The following NCOA2 variants were observed in gnomAD, a reference collection of about 807,000 sequenced individuals.
The protein encoded by NCOA2 is class E basic helix-loop-helix protein 75.
In NCOA2, 21 loss-of-function variants were observed where a neutral mutation model predicts 145.1. The observed-to-expected ratio is 0.14, with a 90% CI of 0.10 to 0.21. NCOA2 has a LOEUF of 0.21. NCOA2 is among the 10% of genes least tolerant of loss of function. The probability of loss-of-function intolerance (pLI) is 1.00; values close to 1 mark genes in which losing one functional copy is unlikely to be tolerated. For missense variants in NCOA2, 1,472 were observed against 1,837.6 expected, an observed-to-expected ratio of 0.80 and a Z score of 3.64; for synonymous variants, 619 against 637.5, an observed-to-expected ratio of 0.97 and a Z score of 0.44.
At chr8:70,388,554 A>G (rs1307682598) in intron 1 of NCOA2, among the ~76,000 whole-genome samples, 1 of 152,218 alleles carries the variant, frequency 6.6e-6, no homozygotes, top group East Asian at 1.9e-4. Context: ...TTATTTGTCT[A>G]CATGGCTTTT....
At chr8:70,127,732 C>T (rs1362475283) in intron 18 of NCOA2, among the ~76,000 whole-genome samples, 1 of 152,228 alleles carries the variant, frequency 6.6e-6, no homozygotes, top group Admixed American at 6.5e-5. Context: ...ACACATGCCA[C>T]TGTCACAGTC....
At chr8:70,259,625 G>A (rs2977981) in intron 2 of NCOA2, among the ~76,000 whole-genome samples, 11,980 of 152,144 alleles carry the variant, frequency 0.079, 625 homozygotes, top group Non-Finnish European at 0.12. Flanking sequence ...AATATATATA[G>A]AGCAATTATG....
At chr8:70,217,270 A>C (rs1009821779) in intron 2 of NCOA2, among the ~76,000 whole-genome samples, 1 of 152,232 alleles carries the variant, frequency 6.6e-6, no homozygotes, top group African/African-American at 2.4e-5. Flanking sequence ...AACTAGGTAC[A>C]TCTGACACCC....
intron 22 of NCOA2, among the ~76,000 whole-genome samples, chr8:70,115,522 G>A (rs562747707): frequency 2.0e-5 from 3 of 152,136 alleles, no homozygotes; most frequent in Non-Finnish European, 4.4e-5. Flanking sequence ...ACAAAATGAT[G>A]CACATGAAGT....
At chr8:70,311,090 TCTGTTGA>T (rs1342961073) in intron 1 of NCOA2, among the ~76,000 whole-genome samples, 2 of 152,156 alleles carry the variant, frequency 1.3e-5, no homozygotes, top group Non-Finnish European at 2.9e-5. Flanking sequence ...TCAGCAATTG[TCTGTTGA>T]CTGATAATAC....
chr8:70,159,242 A>ATATATATATATATATTTTTTTT, intron 10 of NCOA2, among the ~76,000 whole-genome samples: 3 of 61,076 alleles, frequency 4.9e-5, no homozygotes, highest in African/African-American at 1.6e-4. Context: ...ATATATATAT[A>ATATATATATATATATTTTTTTT]TTTTTTTTTT....
the NCOA2 span, among the ~76,000 whole-genome samples, chr8:70,443,783 C>A: frequency 6.6e-6 from 1 of 152,118 alleles, no homozygotes; most frequent in Non-Finnish European, 1.5e-5. Flanking sequence ...TATTGCCCCC[C>A]AGGCTGATTT....
At chr8:70,245,225 C>T (rs1431604811) in intron 2 of NCOA2, 2 of 152,102 alleles carry the variant, frequency 1.3e-5, no homozygotes, top group Admixed American at 1.3e-4. Context: ...CACCCCGCCG[C>T]TTATCTCCTC....
intron 2 of NCOA2, among the ~76,000 whole-genome samples, chr8:70,250,202 G>A (rs1365710864): frequency 1.3e-5 from 2 of 151,634 alleles, no homozygotes; most frequent in Non-Finnish European, 2.9e-5. Flanking sequence ...GACCAGCCTG[G>A]GCAACATGGT....
intron 2 of NCOA2, among the ~76,000 whole-genome samples, chr8:70,253,547 T>C (rs1167447452): frequency 6.6e-6 from 1 of 151,722 alleles, no homozygotes; most frequent in Non-Finnish European, 1.5e-5. Flanking sequence ...AACCTTAAAA[T>C]GTCAAATACC....
At chr8:70,445,140 C>T in the NCOA2 span, among the ~76,000 whole-genome samples, 1 of 152,098 alleles carries the variant, frequency 6.6e-6, no homozygotes, top group African/African-American at 2.4e-5. Context: ...GCCATGTTAT[C>T]CTCTATAATG....
intron 2 of NCOA2, among the ~76,000 whole-genome samples, chr8:70,270,376 T>C (rs564370245): frequency 6.6e-6 from 1 of 152,246 alleles, no homozygotes; most frequent in Admixed American, 6.5e-5. Context: ...AGTCCTTCAA[T>C]GATGTGATTC....
At chr8:70,281,009 C>T (rs558555399) in intron 2 of NCOA2, among the ~76,000 whole-genome samples, 1 of 151,558 alleles carries the variant, frequency 6.6e-6, no homozygotes, top group African/African-American at 2.4e-5. Context: ...TGCATCCTGG[C>T]TATGGAAGCT....
the NCOA2 span, among the ~76,000 whole-genome samples, chr8:70,435,236 T>C: frequency 6.6e-6 from 1 of 150,578 alleles, no homozygotes; most frequent in Non-Finnish European, 1.5e-5. Context: ...CCATCCTGGC[T>C]AACACGGTGA....
At chr8:70,241,598 T>C (rs984906589) in intron 2 of NCOA2, among the ~76,000 whole-genome samples, 3 of 152,270 alleles carry the variant, frequency 2.0e-5, no homozygotes, top group African/African-American at 7.2e-5. Context: ...CATTCTAGAA[T>C]AAATCAGCAA....
intron 1 of NCOA2, among the ~76,000 whole-genome samples, chr8:70,372,966 T>C (rs1811350716): frequency 6.6e-6 from 1 of 152,238 alleles, no homozygotes. Flanking sequence ...TATTGCTAAA[T>C]AGTATCCCAT....
Position 70,118,834 on chromosome 8 carries a change from G to A in NCOA2, c.4383+2468C>T, listed in dbSNP as rs118083463. On this transcript the variant is annotated intron_variant, in intron 22 of 22. Transcript: ENST00000452400. ...CTCCCGAGTAGCTGGGACTACAGGC[G>A]TGTGCTTCTACACTCGGCTAATTTT... Among the ~76,000 whole-genome samples the A allele has an allele frequency of 9.5e-3, 1,442 of 151,636 alleles. 12 individuals are homozygous for A. The highest frequency in any genetic ancestry group is 0.016 in the Non-Finnish European group (1,087 of 67,896).
intron 9 of NCOA2, among the ~76,000 whole-genome samples, chr8:70,160,681 G>GA (rs58267843): frequency 0.12 from 16,832 of 142,394 alleles, 1,346 homozygotes; most frequent in African/African-American, 0.26. Context: ...GAGAGAGAGA[G>GA]GGAGAGAGAG....
the NCOA2 span, among the ~76,000 whole-genome samples, chr8:70,424,860 G>A: frequency 6.6e-6 from 1 of 152,186 alleles, no homozygotes; most frequent in Non-Finnish European, 1.5e-5. Flanking sequence ...ACTTGAAGAT[G>A]TACAAACCAT....
Sources: allele counts gnomAD v4.1 joint callset (sites outside exome capture counted in the v4.1 genomes callset), GRCh38; gene constraint gnomAD v4.1.1; transcripts MANE v1.5; gene names NCBI Gene and HGNC (gene_info 2026-07-23, HGNC 2026-07-21).